The following BICDL1 variants were observed in gnomAD, a reference collection of about 807,000 sequenced individuals.
BICDL1 encodes the protein BICD family like cargo adaptor 1, also known as BICD family-like cargo adapter 1.
BICDL1 carries 20 observed loss-of-function variants against 76.8 expected under a neutral mutation model. The ratio of observed to expected loss-of-function variants is 0.26; its 90% CI spans 0.18 to 0.38. The LOEUF is 0.38. Ranked by LOEUF, BICDL1 falls within the 10% of genes least tolerant of loss-of-function variation. BICDL1 has a pLI of 1.00. For missense variants in BICDL1, 700 were observed against 798.6 expected, an observed-to-expected ratio of 0.88 and a Z score of 1.49; for synonymous variants, 383 against 337.1, an observed-to-expected ratio of 1.14 and a Z score of -1.49.
chr12:119,993,762 A>C (rs56939014), intron 1 of BICDL1, among the ~76,000 whole-genome samples: 8,483 of 151,928 alleles, frequency 0.056, 469 homozygotes, highest in African/African-American at 0.14. Context: ...GGGATTACAC[A>C]ACCCACCATC....
At position 119,989,770 on chromosome 12, in the gene BICDL1, G is replaced by C. The variant is rs111440037; in HGVS notation, c.-99G>C. The C allele has an allele frequency of 6.8e-3, 3,003 of 443,350 alleles. 19 individuals are homozygous for C. Among genetic ancestry groups the C allele is most frequent in the Middle Eastern group, 8.9e-3 (8 of 894 alleles). 27.5% of individuals were successfully genotyped at this position (443,350 alleles called of 1,614,324 possible). On this transcript the variant is annotated 5_prime_UTR_variant, in exon 1 of 10. Coordinates refer to ENST00000548673, the MANE Select transcript of BICDL1 (RefSeq NM_001367886.1). ...GGGGGCGCGTGCCGCGGCGCGAGGC[G>C]AGGCGCGGGACGCGGGGCGGCGCGG...
chr12:120,005,658 C>T (rs1260821059), intron 2 of BICDL1, among the ~76,000 whole-genome samples: 6 of 152,178 alleles, frequency 3.9e-5, no homozygotes, highest in African/African-American at 1.4e-4. Flanking sequence ...TGTGAGCCAC[C>T]ACGCCCAGCC....
intron 7 of BICDL1, among the ~76,000 whole-genome samples, chr12:120,077,568 C>T (rs1314049872): frequency 6.6e-6 from 1 of 152,226 alleles, no homozygotes; most frequent in African/African-American, 2.4e-5. Context: ...TTGGATCCTT[C>T]ATGCTTGACT....
At chr12:120,033,365 G>GC (rs1952462832) in intron 2 of BICDL1, among the ~76,000 whole-genome samples, 1 of 84,046 alleles carries the variant, frequency 1.2e-5, no homozygotes, top group Non-Finnish European at 2.0e-5. Flanking sequence ...GAGAGTTCTT[G>GC]CCTTTTTTTT....
In BICDL1 at chr12:120,093,068, T is replaced by C; in HGVS notation, c.1773T>C (p.Ala591=). 7 of 1,604,540 alleles carry C rather than the reference T, an allele frequency of 4.4e-6. No individual in the cohort carries two copies. Among genetic ancestry groups the C allele is most frequent in the Middle Eastern group, 1.7e-4 (1 of 6,008 alleles). The change falls in exon 10 of 10, where the codon GCT becomes GCC. Residue 591 remains alanine, a synonymous_variant. Coordinates refer to ENST00000548673, the MANE Select transcript of BICDL1 (RefSeq NM_001367886.1). ...DTHLKERSQP[A]AALCRGHSAG... ...ACCTGAAAGAACGGAGCCAGCCGGCTGCTGCCCTCTGCAGGGGCCACAGCG... is the reference window on the plus strand; with the variant it reads ...ACCTGAAAGAACGGAGCCAGCCGGCCGCTGCCCTCTGCAGGGGCCACAGCG...
chr12:120,045,259 T>G (rs1395525231), intron 2 of BICDL1, among the ~76,000 whole-genome samples: 3 of 152,226 alleles, frequency 2.0e-5, no homozygotes, highest in African/African-American at 7.2e-5. Flanking sequence ...CATTAAAAAG[T>G]CAGGAAACAA....
rs537801222 is a variant in BICDL1 at position 120,088,722 on chromosome 12, A to AGT, written c.1584-1227_1584-1226dup. 1.9e-4 allele frequency among the ~76,000 whole-genome samples: 28 copies of AGT among 150,546 alleles called. No individual in the cohort carries two copies. In the East Asian group the frequency reaches 5.5e-3, roughly 30 times the overall value. On this transcript the variant is annotated intron_variant, in intron 8 of 9. Transcript: ENST00000548673. ...TGTTCTGTCACCCAGGCTGCAGTGC[A>AGT]GTGGCGCGATCTGGGCTTACTGCAA...
At chr12:120,034,600 A>G (rs1952494688) in intron 2 of BICDL1, among the ~76,000 whole-genome samples, 1 of 152,190 alleles carries the variant, frequency 6.6e-6, no homozygotes, top group African/African-American at 2.4e-5. Context: ...GCTAACTATT[A>G]TCTCACCATT....
chr12:120,051,198 C>T (rs1952852875), intron 2 of BICDL1, among the ~76,000 whole-genome samples: 1 of 152,136 alleles, frequency 6.6e-6, no homozygotes, highest in African/African-American at 2.4e-5. Flanking sequence ...CAGGCACACA[C>T]AACCGCACCT....
At chr12:120,039,580 G>A (rs998206935) in intron 2 of BICDL1, among the ~76,000 whole-genome samples, 2 of 141,636 alleles carry the variant, frequency 1.4e-5, no homozygotes, top group Non-Finnish European at 1.5e-5. Context: ...GGAAGTTGCA[G>A]TGAGCCAAGA....
chr12:120,055,104 A>C (rs1284138638), intron 2 of BICDL1, among the ~76,000 whole-genome samples: 1 of 152,192 alleles, frequency 6.6e-6, no homozygotes, highest in East Asian at 1.9e-4. Context: ...CTGCCACCCC[A>C]AAAGGTGCCC....
chr12:120,010,361 G>T (rs985573776), intron 2 of BICDL1, among the ~76,000 whole-genome samples: 2 of 152,148 alleles, frequency 1.3e-5, no homozygotes, highest in African/African-American at 2.4e-5. Flanking sequence ...TTTTGGAAAG[G>T]TCTAATTTTT....
chr12:120,090,143 GGA>G, intron 9 of BICDL1, 72 bp downstream of exon 9: 1 of 1,570,216 alleles, frequency 6.4e-7, no homozygotes, highest in Non-Finnish European at 8.6e-7. Flanking sequence ...CAGAGTGTAA[GGA>G]GAGTTTGCCA....
chr12:120,083,542 G>A (rs1874155190), intron 8 of BICDL1, among the ~76,000 whole-genome samples: 1 of 152,078 alleles, frequency 6.6e-6, no homozygotes, highest in Non-Finnish European at 1.5e-5. Context: ...GAGCCACGGT[G>A]CCCAGCCCCA....
At chr12:120,059,599 A>G (rs1456396344) in intron 2 of BICDL1, among the ~76,000 whole-genome samples, 1 of 151,752 alleles carries the variant, frequency 6.6e-6, no homozygotes, top group African/African-American at 2.4e-5. Flanking sequence ...TAGTAGAGAT[A>G]GGGTTTCGCC....
intron 2 of BICDL1, among the ~76,000 whole-genome samples, chr12:120,029,949 G>A (rs1952388492): frequency 6.6e-6 from 1 of 152,140 alleles, no homozygotes; most frequent in South Asian, 2.1e-4. Context: ...GCCCGGCCCA[G>A]AATTTTGTTT....
intron 9 of BICDL1, chr12:120,091,940 C>T: frequency 2.0e-6 from 2 of 985,340 alleles, no homozygotes; most frequent in Non-Finnish European, 2.4e-6. Context: ...CTCACCTGTC[C>T]TGTGCTCGGA....
chr12:120,075,809 A>G (rs188751907), intron 7 of BICDL1, among the ~76,000 whole-genome samples: 1 of 152,304 alleles, frequency 6.6e-6, no homozygotes, highest in East Asian at 1.9e-4. Flanking sequence ...CCAGCCATCT[A>G]CTGTCCTCTT....
chr12:120,049,220 A>G (rs1347344287), intron 2 of BICDL1, among the ~76,000 whole-genome samples: 1 of 152,228 alleles, frequency 6.6e-6, no homozygotes, highest in East Asian at 1.9e-4. Flanking sequence ...CTAAGTCTAG[A>G]AAGACAGAGT....
Sources: gnomAD v4.1 joint callset for allele counts (sites outside exome capture counted in the v4.1 genomes callset) on GRCh38, gnomAD v4.1.1 for gene constraint, MANE v1.5 for transcripts, NCBI Gene and HGNC (gene_info 2026-07-23, HGNC 2026-07-21) for gene names.